The following NSRP1 variants were observed in gnomAD, a reference collection of about 807,000 sequenced individuals.
The protein encoded by NSRP1 is coiled-coil domain containing 55.
In NSRP1, 24 loss-of-function variants were observed where a neutral mutation model predicts 54.7. The ratio of observed to expected loss-of-function variants is 0.44; its 90% confidence interval spans 0.32 to 0.62. The LOEUF (loss-of-function observed/expected upper bound fraction) is 0.62, where lower values mean the gene tolerates loss of function less well. Ranked by LOEUF, NSRP1 falls within the 20% of genes least tolerant of loss-of-function variation. NSRP1 has a pLI of 0.06. For synonymous variants in NSRP1, 210 were observed against 213.8 expected (o/e 0.98, Z 0.15); for missense variants, 596 against 651.2 (o/e 0.92, Z 0.92).
chr17:30,135,045 G>A (rs1368609038), intron 2 of NSRP1, among the ~76,000 whole-genome samples: 1 of 151,956 alleles, frequency 6.6e-6, no homozygotes, highest in Non-Finnish European at 1.5e-5. Context: ...GTTTTCAATG[G>A]GTATGCTGCT....
At chr17:30,179,694 CAAG>C (rs1268633008) in intron 5 of NSRP1, among the ~76,000 whole-genome samples, 2 of 151,906 alleles carry the variant, frequency 1.3e-5, no homozygotes, top group African/African-American at 2.4e-5. Context: ...TAACACCACT[CAAG>C]GAGGATCAAT....
intron 5 of NSRP1, among the ~76,000 whole-genome samples, chr17:30,180,664 G>A (rs1490664309): frequency 3.3e-5 from 5 of 152,002 alleles, no homozygotes; most frequent in African/African-American, 7.3e-5. Context: ...GATCTCTGTC[G>A]CAGTTACTGA....
chr17:30,176,263 C>G (rs1278246076), intron 3 of NSRP1, among the ~76,000 whole-genome samples: 1 of 152,106 alleles, frequency 6.6e-6, no homozygotes, highest in Non-Finnish European at 1.5e-5. Context: ...CATATCTACT[C>G]AAGTGCTCCC....
Position 30,184,778 on chromosome 17 carries a change from G to C in NSRP1, c.781G>C (p.Glu261Gln). The change falls in exon 7 of 7, where the codon GAA becomes CAA. Residue 261 changes from glutamate (E) to glutamine (Q), a missense_variant. Glu to Gln is a conservative substitution (Grantham distance 29). Transcript: ENST00000247026. ...DAKSSADDEI[E>Q]ETRVNCRREK... Reference sequence around the variant, plus strand: ...TAAGAGCAGTGCGGATGATGAAATAGAAGAAACTAGAGTGAACTGCAGAAG... The same window carrying C: ...TAAGAGCAGTGCGGATGATGAAATACAAGAAACTAGAGTGAACTGCAGAAG... 6.2e-7 allele frequency: 1 copy of C among 1,613,992 alleles called. No homozygotes were observed. The highest frequency in any genetic ancestry group is 8.5e-7 in the Non-Finnish European group (1 of 1,179,984).
chr17:30,135,672 C>T (rs1295416061), intron 2 of NSRP1, among the ~76,000 whole-genome samples: 1 of 149,600 alleles, frequency 6.7e-6, no homozygotes. Flanking sequence ...GACGGGGTTT[C>T]ACCATGTTAG....
intron 3 of NSRP1, among the ~76,000 whole-genome samples, chr17:30,177,304 A>T (rs1038888778): frequency 6.6e-6 from 1 of 151,992 alleles, no homozygotes; most frequent in Non-Finnish European, 1.5e-5. Flanking sequence ...CCTGGGAGGC[A>T]GAGGTTGCAG....
At chr17:30,172,517 G>T (rs1049993193) in intron 2 of NSRP1, 25 bp from the exon 3 acceptor site, 1 of 1,579,374 alleles carries the variant, frequency 6.3e-7, no homozygotes, top group Non-Finnish European at 8.6e-7. Flanking sequence ...TGTTTAAAAA[G>T]TGACAATATA....
intron 2 of NSRP1, among the ~76,000 whole-genome samples, chr17:30,127,060 ATG>A (rs1322114058): frequency 6.6e-6 from 1 of 152,238 alleles, no homozygotes; most frequent in Non-Finnish European, 1.5e-5. Context: ...TGAGTAATAA[ATG>A]TGTTTTAATA....
rs183322935 is a variant in NSRP1 at position 30,146,845 on chromosome 17, C to T, written c.115-25697C>T. Among the ~76,000 whole-genome samples, 16 of 152,292 alleles carry T rather than the reference C, an allele frequency of 1.1e-4. No individual in the cohort carries two copies. In the East Asian group the frequency reaches 3.1e-3, roughly 29 times the overall value. ...GCCTCAAGCAGTCTGCCCACCTGGG[C>T]CTCACAAGGTGTTGGGATTACAGGC... On this transcript the variant is annotated intron_variant, in intron 2 of 6. Transcript: ENST00000247026.
Position 30,185,428 on chromosome 17 carries a change from C to T in NSRP1, c.1431C>T (p.Asn477=), listed in dbSNP as rs779454822. Residue 477 remains asparagine, a synonymous_variant, in exon 7 of 7, where the codon AAC becomes AAT. Transcript: ENST00000247026. ...AAGAAAGATCCAACAAAATGAGAAA[C>T]ATGGCAAAGGACAAAGAAAGAAACC... is the stretch of plus-strand genomic sequence containing the variant. The part of the protein sequence containing the change: ...LDQERSNKMR[N]MAKDKERNQE... 1 of 1,608,826 alleles carries T rather than the reference C, an allele frequency of 6.2e-7. No individual in the cohort carries two copies. Among genetic ancestry groups the T allele is most frequent in the East Asian group, 2.2e-5 (1 of 44,858 alleles).
At chr17:30,176,362 G>A (rs1905126038) in intron 3 of NSRP1, among the ~76,000 whole-genome samples, 1 of 152,068 alleles carries the variant, frequency 6.6e-6, no homozygotes, top group Non-Finnish European at 1.5e-5. Context: ...TGTAATCCCT[G>A]TACTTTGGAA....
chr17:30,117,704 G>A (rs886104834), intron 1 of NSRP1, among the ~76,000 whole-genome samples: 1 of 149,316 alleles, frequency 6.7e-6, no homozygotes, highest in Non-Finnish European at 1.5e-5. Flanking sequence ...CACAAGGATA[G>A]TTGAAAGCAT....
chr17:30,186,103 A>C lies in NSRP1; in HGVS notation c.*429A>C, dbSNP rs1313733518. ...GGCAGGATAATAAGACCTTGTCTCT[A>C]TTTAAAAAACAAAAAGCCTAGCATG... On this transcript the variant is annotated 3_prime_UTR_variant, in exon 7 of 7. Transcript: ENST00000247026. 6.6e-6 allele frequency: 1 copy of C among 152,476 alleles called. No homozygotes were observed. The highest frequency in any genetic ancestry group is 1.5e-5 in the Non-Finnish European group (1 of 68,244). The allele number at this position is 152,476 out of a possible 1,614,324, so 9.4% of individuals were successfully genotyped here.
At chr17:30,141,911 G>A (rs1361234865) in intron 2 of NSRP1, among the ~76,000 whole-genome samples, 2 of 152,186 alleles carry the variant, frequency 1.3e-5, no homozygotes, top group East Asian at 1.9e-4. Context: ...AACTGAGGTG[G>A]GAGGATCGCT....
intron 2 of NSRP1, among the ~76,000 whole-genome samples, chr17:30,161,267 G>A (rs887808027): frequency 3.9e-5 from 6 of 152,152 alleles, no homozygotes; most frequent in South Asian, 2.1e-4. Flanking sequence ...TGGCTGGGTC[G>A]CTTAGGGTAT....
intron 2 of NSRP1, among the ~76,000 whole-genome samples, chr17:30,143,674 G>A (rs1007215818): frequency 3.3e-5 from 5 of 152,110 alleles, no homozygotes; most frequent in African/African-American, 1.2e-4. Context: ...AACTTACGGA[G>A]TTTTTCTTTT....
chr17:30,148,826 A>G (rs2071880554), intron 2 of NSRP1, among the ~76,000 whole-genome samples: 1 of 152,140 alleles, frequency 6.6e-6, no homozygotes, highest in South Asian at 2.1e-4. Flanking sequence ...AGTGTTTTTT[A>G]AATCTTTCAT....
intron 2 of NSRP1, among the ~76,000 whole-genome samples, chr17:30,124,708 G>C (rs1050389524): frequency 6.6e-6 from 1 of 152,192 alleles, no homozygotes; most frequent in African/African-American, 2.4e-5. Context: ...GAAACATTTG[G>C]GAGATTCAGT....
rs1275169616 is a variant in NSRP1, at chr17:30,116,843, G to A, written c.-1G>A. Reference sequence around the variant, plus strand: ...CCACGTTCAGCGGACACGGGAGCAAGATGGCGATTCCGGGCAGGCAGTGAG... The same window carrying A: ...CCACGTTCAGCGGACACGGGAGCAAAATGGCGATTCCGGGCAGGCAGTGAG... On this transcript the variant is annotated 5_prime_UTR_variant, in exon 1 of 7. Transcript: ENST00000247026. 2.5e-6 allele frequency: 4 copies of A among 1,575,780 alleles called. No individual in the cohort carries two copies. In the South Asian group the frequency reaches 3.5e-5, roughly 14 times the overall value.
Sources: allele counts gnomAD v4.1 joint callset (sites outside exome capture counted in the v4.1 genomes callset), GRCh38; gene constraint gnomAD v4.1.1; transcripts MANE v1.5; gene names NCBI Gene and HGNC (gene_info 2026-07-23, HGNC 2026-07-21).